The following CHST9 variants were observed in gnomAD, a reference collection of about 807,000 sequenced individuals.
CHST9 encodes the protein GalNAc-4-sulfotransferase 2.
A neutral mutation model predicts 44.4 loss-of-function variants in CHST9; 41 were observed. The ratio of observed to expected loss-of-function variants is 0.92; its 90% CI spans 0.72 to 1.20. The LOEUF is 1.20. CHST9 is among the 50% of genes most tolerant of loss of function. CHST9 has a pLI of 0.00. For missense variants in CHST9, 504 were observed against 516.5 expected (o/e 0.98, Z 0.23); for synonymous variants, 171 against 178.4 (o/e 0.96, Z 0.33).
intron 3 of CHST9, among the ~76,000 whole-genome samples, chr18:27,028,876 A>G (rs2057311308): frequency 6.6e-6 from 1 of 152,202 alleles, no homozygotes; most frequent in Non-Finnish European, 1.5e-5. Flanking sequence ...TGTATTTTAT[A>G]CTTTAACTAT....
chr18:27,179,429 A>G (rs2058894394), intron 1 of CHST9, among the ~76,000 whole-genome samples: 1 of 151,976 alleles, frequency 6.6e-6, no homozygotes, highest in African/African-American at 2.4e-5. Context: ...GGCATGAAAA[A>G]TAATCCACGC....
At chr18:27,072,174 C>A (rs541983543) in intron 2 of CHST9, among the ~76,000 whole-genome samples, 8 of 152,320 alleles carry the variant, frequency 5.3e-5, no homozygotes, top group African/African-American at 1.9e-4. Context: ...AGTCTCTGCT[C>A]TGAGAAAAGT....
intron 1 of CHST9, among the ~76,000 whole-genome samples, chr18:27,174,340 G>A (rs1437497351): frequency 6.6e-6 from 1 of 151,864 alleles, no homozygotes; most frequent in African/African-American, 2.4e-5. Context: ...AGATTTGCCT[G>A]ATCGTTTGTT....
chr18:26,955,971 C>T (rs1244056543), intron 4 of CHST9, among the ~76,000 whole-genome samples: 3 of 151,982 alleles, frequency 2.0e-5, no homozygotes, highest in African/African-American at 7.3e-5. Flanking sequence ...TACCTCTTCC[C>T]TTGAGCTAGT....
intron 4 of CHST9, among the ~76,000 whole-genome samples, chr18:27,016,014 G>A (rs558209205): frequency 1.3e-5 from 2 of 152,218 alleles, no homozygotes; most frequent in South Asian, 2.1e-4. Context: ...CCCCCTTTCT[G>A]TCTCACTATT....
intron 2 of CHST9, among the ~76,000 whole-genome samples, chr18:27,141,742 TAAAAAAAA>T (rs35595422): frequency 5.7e-5 from 7 of 122,044 alleles, no homozygotes; most frequent in Non-Finnish European, 1.2e-4. Flanking sequence ...TAGAATAACT[TAAAAAAAA>T]AAAAAAAAAA....
In CHST9 at chr18:27,168,077, A is replaced by AAT. The variant is rs575491677; in HGVS notation, c.-97+17058_-97+17059insAT. On this transcript the variant is annotated intron_variant, in intron 1 of 5. Transcript: ENST00000618847. ...TCAGAGGAGTGAAAAGATTATACCT[A>AAT]TTTTTTTTTTTTTTTGAGACGGAGT... Among the ~76,000 whole-genome samples, 23 of 140,150 alleles carry AAT rather than the reference A, an allele frequency of 1.6e-4. 1 individual carries two copies. Among genetic ancestry groups the AAT allele is most frequent in the African/African-American group, 5.9e-4 (22 of 37,496 alleles). The allele number at this position is 140,150 out of a possible 152,430, so 91.9% of individuals were successfully genotyped here.
At chr18:26,981,193 A>C (rs1315788768) in intron 4 of CHST9, among the ~76,000 whole-genome samples, 1 of 152,228 alleles carries the variant, frequency 6.6e-6, no homozygotes, top group African/African-American at 2.4e-5. Flanking sequence ...CTTTTGACTT[A>C]AAAAGATATT....
intron 2 of CHST9, among the ~76,000 whole-genome samples, chr18:27,080,874 T>C (rs1440314445): frequency 6.6e-6 from 1 of 152,206 alleles, no homozygotes; most frequent in Non-Finnish European, 1.5e-5. Context: ...AAGTGATCTA[T>C]GTTTCACTTT....
At chr18:26,961,562 G>A (rs1462379953) in intron 4 of CHST9, among the ~76,000 whole-genome samples, 4 of 152,016 alleles carry the variant, frequency 2.6e-5, no homozygotes, top group Non-Finnish European at 5.9e-5. Flanking sequence ...CCAAGTAGCT[G>A]GGACTAGAGG....
chr18:26,913,237 C>A lies in CHST9; in HGVS notation c.*3022G>T, dbSNP rs2055466265. The A allele has an allele frequency of 6.6e-6, 1 of 152,114 alleles. No individual in the cohort carries two copies. Among genetic ancestry groups the A allele is most frequent in the African/African-American group, 2.4e-5 (1 of 41,416 alleles). 9.4% of individuals were successfully genotyped at this position (152,114 alleles called of 1,614,324 possible). On this transcript the variant is annotated 3_prime_UTR_variant, in exon 6 of 6. Coordinates refer to ENST00000618847, the MANE Select transcript of CHST9 (RefSeq NM_031422.6). ...CCTCTTTCTAATTAAAAATGACATACAAGTAGTTCTTGAATTAGAACTACT... is the reference window on the plus strand; with the variant it reads ...CCTCTTTCTAATTAAAAATGACATAAAAGTAGTTCTTGAATTAGAACTACT...
intron 1 of CHST9, among the ~76,000 whole-genome samples, chr18:27,180,593 C>T (rs972757565): frequency 1.7e-4 from 26 of 152,100 alleles, no homozygotes; most frequent in African/African-American, 6.0e-4. Flanking sequence ...GTTAACTCCC[C>T]TACCTAACTA....
At chr18:26,970,686 C>G (rs1389530970) in intron 4 of CHST9, among the ~76,000 whole-genome samples, 1 of 152,214 alleles carries the variant, frequency 6.6e-6, no homozygotes, top group Non-Finnish European at 1.5e-5. Context: ...TCTCGGCCTC[C>G]CAAAGTGCTG....
At chr18:27,014,453 CAAAAAAAAAAAAAAAAAAAAAAAAA>C (rs57437876) in intron 4 of CHST9, among the ~76,000 whole-genome samples, 3 of 39,420 alleles carry the variant, frequency 7.6e-5, no homozygotes, top group Non-Finnish European at 1.2e-4. Context: ...GACTCTGTCT[CAAAAAAAAAAAAAAAAAAAAAAAAA>C]AAAAAAAAAA....
chr18:27,142,781 G>A lies in CHST9; in HGVS notation c.29C>T (p.Pro10Leu). 1 of 1,611,150 alleles carries A rather than the reference G, an allele frequency of 6.2e-7. No individual in the cohort carries two copies. Residue 10 changes from proline to leucine, a missense_variant, in exon 2 of 6, where the codon CCC (proline) becomes CTC (leucine). Transcript: ENST00000618847. ...CAGCACAGAGAGGAAGACTTGTTTG[G>A]GGTTCATGACCATTTCAGATGGCTG... MQPSEMVMN[P>L]KQVFLSVLIF... is the part of the protein sequence containing the mutation.
At position 27,137,236 on chromosome 18, in the gene CHST9, G is replaced by A. The variant is rs1047983992; in HGVS notation, c.121+5453C>T. Among the ~76,000 whole-genome samples the A allele has an allele frequency of 3.3e-5, 5 of 150,250 alleles. No homozygotes were observed. In the East Asian group the frequency reaches 9.7e-4, roughly 29 times the overall value. On this transcript the variant is annotated intron_variant, in intron 2 of 5. Coordinates refer to ENST00000618847, the MANE Select transcript of CHST9 (RefSeq NM_031422.6). ...TAATTTATTATTTATTAATTATATT[G>A]ACTCATAATTGATTATATTGATTTA... is the stretch of plus-strand genomic sequence containing the variant.
intron 1 of CHST9, among the ~76,000 whole-genome samples, chr18:27,163,162 G>A (rs578219923): frequency 1.5e-4 from 23 of 152,256 alleles, no homozygotes; most frequent in South Asian, 1.0e-3. Flanking sequence ...CTGCCTGATC[G>A]TTCCTCTGGA....
chr18:27,135,009 A>G (rs1220725953), intron 2 of CHST9, among the ~76,000 whole-genome samples: 2 of 152,212 alleles, frequency 1.3e-5, no homozygotes, highest in African/African-American at 4.8e-5. Context: ...ATTATACTGT[A>G]TATTTTCAAA....
Position 26,908,619 on chromosome 18 carries a change from C to A in CHST9, c.*7640G>T, listed in dbSNP as rs1172570924. On this transcript the variant is annotated 3_prime_UTR_variant, in exon 6 of 6. Transcript: ENST00000618847. The stretch of plus-strand genomic sequence containing the variant: ...AGGACTTCTATTCAGAGGCTATTTC[C>A]AATAGTTCTGAGGAGAGCCAATGTG... 1 of 151,954 alleles carries A rather than the reference C, an allele frequency of 6.6e-6. No individual in the cohort carries two copies. Among genetic ancestry groups the A allele is most frequent in the Non-Finnish European group, 1.5e-5 (1 of 67,996 alleles). 9.4% of individuals were successfully genotyped at this position (151,954 alleles called of 1,614,324 possible).
Sources: allele counts gnomAD v4.1 joint callset (sites outside exome capture counted in the v4.1 genomes callset), GRCh38; gene constraint gnomAD v4.1.1; transcripts MANE v1.5; gene names NCBI Gene and HGNC (gene_info 2026-07-23, HGNC 2026-07-21).